Variants in ZNF518A observed in about 807,000 individuals in gnomAD.
The protein encoded by ZNF518A is zinc finger protein 518.
Under a neutral mutation model 102.7 loss-of-function variants are expected in ZNF518A, and 47 were observed. That is an observed-to-expected ratio of 0.46 (90% CI 0.36 to 0.58). ZNF518A has a LOEUF of 0.58. Among genes scored for constraint, ZNF518A ranks in the 20% least tolerant of loss-of-function variants. ZNF518A has a pLI of 0.00. For missense variants in ZNF518A, 1,793 were observed against 1,699.8 expected (o/e 1.05, Z -0.96); for synonymous variants, 652 against 594.6 (o/e 1.10, Z -1.40).
chr10:96,146,748 TC>T (rs1329209099), intron 3 of ZNF518A, among the ~76,000 whole-genome samples: 1 of 152,216 alleles, frequency 6.6e-6, no homozygotes, highest in Non-Finnish European at 1.5e-5. Context: ...CATATCCTCC[TC>T]TCTGCTCCTA....
At chr10:96,203,028 C>T (rs1783570829) in intron 1 of ZNF518A, among the ~76,000 whole-genome samples, 7 of 152,150 alleles carry the variant, frequency 4.6e-5, no homozygotes, top group Admixed American at 4.6e-4. Context: ...CAGCATTTAC[C>T]TGATATGATA....
At chr10:96,189,701 C>A (rs1243676958) in intron 1 of ZNF518A, 20 of 578,882 alleles carry the variant, frequency 3.5e-5, no homozygotes, top group Non-Finnish European at 4.2e-5. Flanking sequence ...TCATCAAAAT[C>A]ATCATCATCA....
chr10:96,203,661 A>G (rs1196478918), intron 2 of ZNF518A: 1 of 156,212 alleles, frequency 6.4e-6, no homozygotes, highest in Non-Finnish European at 1.4e-5. Flanking sequence ...GTGATCTTTA[A>G]AATATATTTT....
chr10:96,193,288 C>A (rs1373581425), intron 1 of ZNF518A, among the ~76,000 whole-genome samples: 1 of 152,132 alleles, frequency 6.6e-6, no homozygotes, highest in Non-Finnish European at 1.5e-5. Context: ...AAACCAAATG[C>A]AGTTGAAAGT....
chr10:96,186,461 G>A (rs886542690), intron 1 of ZNF518A, among the ~76,000 whole-genome samples: 6 of 152,162 alleles, frequency 3.9e-5, no homozygotes, highest in Admixed American at 3.3e-4. Context: ...GCAGTGGCAC[G>A]ATCTTGGCTC....
chr10:96,161,658 T>TGGAA lies in ZNF518A; in HGVS notation c.*885_*888dup, dbSNP rs2083005099. 6.0e-6 allele frequency: 1 copy of TGGAA among 166,688 alleles called. No individual in the cohort carries two copies. The highest frequency in any genetic ancestry group is 2.4e-5 in the African/African-American group (1 of 41,356). The allele number at this position is 166,688 out of a possible 1,614,324, so 10.3% of individuals were successfully genotyped here. ...TTGGTTCCCATCCCTTTAAAAAGAG[T>TGGAA]GGAACATAGGAGCACTTCCAAGGGA... On this transcript the variant is annotated 3_prime_UTR_variant, in exon 6 of 6. Transcript: ENST00000316045.
intron 1 of ZNF518A, chr10:96,199,982 C>G (rs147008878): frequency 9.0e-6 from 8 of 889,558 alleles, no homozygotes; most frequent in Non-Finnish European, 1.2e-5. Context: ...GAGCTGAGAT[C>G]GAGCCACTGC....
intron 1 of ZNF518A, among the ~76,000 whole-genome samples, chr10:96,193,472 G>C (rs782375917): frequency 6.6e-6 from 1 of 152,172 alleles, no homozygotes; most frequent in Non-Finnish European, 1.5e-5. Flanking sequence ...GTATTGCCTT[G>C]TTGTGGTGTT....
At chr10:96,133,483 A>G (rs2081441867) in intron 2 of ZNF518A, 100 bp from the exon 3 acceptor site, 1 of 152,188 alleles carries the variant, frequency 6.6e-6, no homozygotes, top group Non-Finnish European at 1.5e-5. Flanking sequence ...TATTATAAGG[A>G]AAGCTTTGGA....
At chr10:96,189,651 T>C (rs2083297845) in intron 1 of ZNF518A, 3 of 716,242 alleles carry the variant, frequency 4.2e-6, no homozygotes, top group South Asian at 1.4e-5. Flanking sequence ...GGCTGGAGTA[T>C]GTAGATTTCT....
intron 1 of ZNF518A, among the ~76,000 whole-genome samples, chr10:96,191,235 C>CTTT (rs34920263): frequency 0.13 from 16,868 of 130,082 alleles, 1,473 homozygotes; most frequent in African/African-American, 0.24. Context: ...CATTAAACCT[C>CTTT]TTTTTTTTTT....
At chr10:96,187,367 G>A (rs1021298992) in intron 1 of ZNF518A, among the ~76,000 whole-genome samples, 3 of 152,300 alleles carry the variant, frequency 2.0e-5, no homozygotes, top group Non-Finnish European at 2.9e-5. Flanking sequence ...GTTATATGGT[G>A]TCTTAAGACC....
intron 1 of ZNF518A, among the ~76,000 whole-genome samples, chr10:96,201,594 C>T (rs989168311): frequency 6.0e-4 from 92 of 152,128 alleles, no homozygotes; most frequent in African/African-American, 2.1e-3. Flanking sequence ...TAAACCAAAG[C>T]TCTTTGGGTC....
intron 1 of ZNF518A, among the ~76,000 whole-genome samples, chr10:96,187,594 AGG>A (rs1315118765): frequency 6.6e-6 from 1 of 152,246 alleles, no homozygotes; most frequent in Admixed American, 6.5e-5. Flanking sequence ...TGCTGGACAC[AGG>A]CGTAGCTTTT....
chr10:96,133,153 TTAAC>T (rs1484491414), intron 2 of ZNF518A, among the ~76,000 whole-genome samples: 4 of 152,304 alleles, frequency 2.6e-5, no homozygotes, highest in Admixed American at 6.5e-5. Context: ...AAATATAACT[TTAAC>T]TATCATCCTT....
intron 1 of ZNF518A, among the ~76,000 whole-genome samples, chr10:96,183,451 A>G (rs1347537848): frequency 6.6e-6 from 1 of 152,188 alleles, no homozygotes; most frequent in Non-Finnish European, 1.5e-5. Context: ...GTGGGCATTT[A>G]GTGCTATAAA....
rs587611241 is a variant in ZNF518A at position 96,150,134 on chromosome 10, C to G, written c.-301-5192C>G. On this transcript the variant is annotated intron_variant, in intron 3 of 5. Coordinates refer to ENST00000316045, the MANE Select transcript of ZNF518A (RefSeq NM_001330736.2). The stretch of plus-strand genomic sequence containing the variant: ...GGTCAGGAGATCGAGACCATCCTGG[C>G]TAACACAGTGAAACCCCGTCTCTAC... Among the ~76,000 whole-genome samples, 3 of 148,978 alleles carry G rather than the reference C, an allele frequency of 2.0e-5. No individual in the cohort carries two copies. In the South Asian group the frequency reaches 6.4e-4, roughly 32 times the overall value.
intron 3 of ZNF518A, among the ~76,000 whole-genome samples, chr10:96,142,592 T>G (rs2081990482): frequency 6.6e-6 from 1 of 152,110 alleles, no homozygotes; most frequent in African/African-American, 2.4e-5. Flanking sequence ...TAGTTTTTTT[T>G]TGGTGTTTAA....
intron 1 of ZNF518A, chr10:96,201,137 C>T: frequency 7.8e-7 from 1 of 1,285,828 alleles, no homozygotes; most frequent in Non-Finnish European, 1.1e-6. Context: ...TAACACTGTA[C>T]TAGGTGCTGC....
Sources: allele counts gnomAD v4.1 joint callset (sites outside exome capture counted in the v4.1 genomes callset), GRCh38; gene constraint gnomAD v4.1.1; transcripts MANE v1.5; gene names NCBI Gene and HGNC (gene_info 2026-07-23, HGNC 2026-07-21).